PTPRD: variants seen among roughly 807,000 people sequenced by gnomAD.
PTPRD encodes the protein receptor-type tyrosine-protein phosphatase delta.
PTPRD carries 34 observed loss-of-function variants against 214.5 expected under a neutral mutation model. The observed-to-expected ratio is 0.16, with a 90% CI of 0.12 to 0.21. PTPRD has a LOEUF of 0.21. Among genes scored for constraint, PTPRD ranks in the 10% least tolerant of loss-of-function variants. The pLI is 1.00. For synonymous variants in PTPRD, 1,128 were observed against 845.7 expected (o/e 1.33, Z -5.79); for missense variants, 2,545 against 2,398.7 (o/e 1.06, Z -1.27).
At chr9:9,463,457 C>A (rs2093851193) in intron 8 of PTPRD, among the ~76,000 whole-genome samples, 1 of 151,902 alleles carries the variant, frequency 6.6e-6, no homozygotes, top group Non-Finnish European at 1.5e-5. Flanking sequence ...AGTGAGCAAG[C>A]AAGCACATAT....
chr9:8,715,667 A>G (rs2098424479), intron 12 of PTPRD, among the ~76,000 whole-genome samples: 1 of 152,166 alleles, frequency 6.6e-6, no homozygotes, highest in South Asian at 2.1e-4. Context: ...CCAACGATCT[A>G]CCACAGTCAT....
At chr9:10,479,455 G>A (rs900308000) in intron 2 of PTPRD, among the ~76,000 whole-genome samples, 1 of 151,960 alleles carries the variant, frequency 6.6e-6, no homozygotes, top group African/African-American at 2.4e-5. Context: ...AACTTAACTT[G>A]TACTCTAACC....
intron 4 of PTPRD, among the ~76,000 whole-genome samples, chr9:9,979,000 G>C (rs1403789685): frequency 5.3e-5 from 8 of 152,104 alleles, no homozygotes; most frequent in African/African-American, 4.8e-5. Context: ...AGTACTAAAA[G>C]AAAGCAAAAA....
chr9:9,462,808 G>C (rs963301493), intron 8 of PTPRD, among the ~76,000 whole-genome samples: 4 of 152,070 alleles, frequency 2.6e-5, no homozygotes, highest in African/African-American at 9.7e-5. Flanking sequence ...GGAAATTTTG[G>C]TGGGATCTAT....
chr9:9,704,649 C>T (rs1227429492), intron 7 of PTPRD, among the ~76,000 whole-genome samples: 2 of 152,178 alleles, frequency 1.3e-5, no homozygotes, highest in Admixed American at 6.5e-5. Flanking sequence ...ACAGCTTTTG[C>T]CCAGGACTCT....
intron 10 of PTPRD, among the ~76,000 whole-genome samples, chr9:9,046,933 G>C (rs1436102325): frequency 6.6e-6 from 1 of 151,996 alleles, no homozygotes; most frequent in Admixed American, 6.6e-5. Flanking sequence ...TCAGACAAGA[G>C]AAAGAAATAA....
intron 5 of PTPRD, among the ~76,000 whole-genome samples, chr9:9,928,757 TACACACACACAC>T (rs60820386): frequency 1.4e-5 from 2 of 147,124 alleles, no homozygotes; most frequent in Admixed American, 6.8e-5. Context: ...TCTCTCTCTA[TACACACACACAC>T]ACACACACAC....
intron 3 of PTPRD, among the ~76,000 whole-genome samples, chr9:10,319,623 A>T (rs1029732975): frequency 6.6e-6 from 1 of 152,060 alleles, no homozygotes; most frequent in African/African-American, 2.4e-5. Context: ...ACATTTTTTT[A>T]AATAACGGAA....
intron 39 of PTPRD, among the ~76,000 whole-genome samples, chr9:8,375,065 C>T (rs981462024): frequency 6.6e-6 from 1 of 151,786 alleles, no homozygotes; most frequent in Admixed American, 6.6e-5. Context: ...TTTTACTTAT[C>T]TGTGGAAGAA....
At chr9:9,783,723 A>C (rs560646475) in intron 5 of PTPRD, among the ~76,000 whole-genome samples, 2 of 151,994 alleles carry the variant, frequency 1.3e-5, no homozygotes, top group South Asian at 2.1e-4. Context: ...CCTTATTTTA[A>C]TATATCTTGC....
chr9:9,837,833 A>G (rs1428482999), intron 5 of PTPRD, among the ~76,000 whole-genome samples: 1 of 152,134 alleles, frequency 6.6e-6, no homozygotes, highest in African/African-American at 2.4e-5. Flanking sequence ...TTAGTTACAT[A>G]TGTATACATG....
At chr9:10,247,482 T>G (rs1204279474) in intron 3 of PTPRD, among the ~76,000 whole-genome samples, 2 of 152,192 alleles carry the variant, frequency 1.3e-5, no homozygotes, top group Non-Finnish European at 2.9e-5. Context: ...GGTTTTTATT[T>G]TCATAATTTA....
At chr9:10,480,793 T>G (rs1267648782) in intron 2 of PTPRD, among the ~76,000 whole-genome samples, 1 of 152,098 alleles carries the variant, frequency 6.6e-6, no homozygotes. Flanking sequence ...CAAGGAGAGT[T>G]AACTGTGTTA....
At chr9:9,756,061 A>ATTATGCATT (rs2098570611) in intron 6 of PTPRD, among the ~76,000 whole-genome samples, 1 of 151,926 alleles carries the variant, frequency 6.6e-6, no homozygotes, top group Non-Finnish European at 1.5e-5. Flanking sequence ...CCTCTCATAA[A>ATTATGCATT]CCTTTATATT....
intron 7 of PTPRD, among the ~76,000 whole-genome samples, chr9:9,648,652 G>A (rs1594159956): frequency 6.6e-6 from 1 of 152,158 alleles, no homozygotes; most frequent in African/African-American, 2.4e-5. Context: ...AGGAGTTGTA[G>A]CACAAAACCA....
chr9:10,387,015 G>A (rs1586885162), intron 2 of PTPRD, among the ~76,000 whole-genome samples: 1 of 151,714 alleles, frequency 6.6e-6, no homozygotes, highest in Non-Finnish European at 1.5e-5. Flanking sequence ...AAATGTGGAA[G>A]GGGGCCATGA....
At chr9:10,403,227 A>AATAT (rs58712564) in intron 2 of PTPRD, among the ~76,000 whole-genome samples, 3,725 of 59,806 alleles carry the variant, frequency 0.062, 313 homozygotes, top group African/African-American at 0.11. Flanking sequence ...TGTGTGTGTA[A>AATAT]ATATATATAT....
intron 9 of PTPRD, among the ~76,000 whole-genome samples, chr9:9,188,386 A>G (rs2099932993): frequency 6.6e-6 from 1 of 152,076 alleles, no homozygotes. Context: ...GAGGAGTGGA[A>G]TTGCTGGATC....
At chr9:10,356,720 G>A (rs1421942884) in intron 2 of PTPRD, among the ~76,000 whole-genome samples, 3 of 150,132 alleles carry the variant, frequency 2.0e-5, no homozygotes, top group Admixed American at 1.3e-4. Context: ...TCACTCTGTC[G>A]CCACGTTGTA....
Sources: allele counts gnomAD v4.1 joint callset (sites outside exome capture counted in the v4.1 genomes callset), GRCh38; gene constraint gnomAD v4.1.1; transcripts MANE v1.5; gene names NCBI Gene and HGNC (gene_info 2026-07-23, HGNC 2026-07-21).